PWWP2B: variants seen among roughly 807,000 people sequenced by gnomAD.
PWWP2B encodes PWWP domain-containing protein 2B.
Under a neutral mutation model 15.5 loss-of-function variants are expected in PWWP2B, and 9 were observed. The observed-to-expected ratio is 0.58, with a 90% CI of 0.35 to 1.02. The LOEUF (loss-of-function observed/expected upper bound fraction) is 1.02, where lower values mean the gene tolerates loss of function less well. Ranked by LOEUF, PWWP2B falls within the 50% of genes least tolerant of loss-of-function variation. The pLI is 0.02. For missense variants in PWWP2B, 864 were observed against 865.3 expected, an observed-to-expected ratio of 1.00 and a Z score of 0.02; for synonymous variants, 474 against 403.6, an observed-to-expected ratio of 1.17 and a Z score of -2.09.
chr10:132,398,991 T>C (rs2069576281), intron 1 of PWWP2B, among the ~76,000 whole-genome samples: 2 of 108,264 alleles, frequency 1.8e-5, no homozygotes, highest in Non-Finnish European at 4.2e-5. Flanking sequence ...CCTGAGTCTG[T>C]CCGGCTGTTC....
intron 2 of PWWP2B, among the ~76,000 whole-genome samples, chr10:132,415,515 A>ACT (rs371758743): frequency 6.7e-6 from 1 of 149,878 alleles, no homozygotes; most frequent in Admixed American, 6.7e-5. Flanking sequence ...ACTCACATCC[A>ACT]GACATCCACT....
intron 1 of PWWP2B, among the ~76,000 whole-genome samples, chr10:132,403,197 C>T (rs2069634914): frequency 6.6e-6 from 1 of 152,200 alleles, no homozygotes; most frequent in Admixed American, 6.5e-5. Context: ...GTGGCGCTCA[C>T]TCTGACCACC....
rs1564879712 is a variant in PWWP2B, at chr10:132,417,399, GC to G, written c.*356del. On this transcript the variant is annotated 3_prime_UTR_variant, in exon 3 of 3. Coordinates refer to ENST00000305233, the MANE Select transcript of PWWP2B (RefSeq NM_138499.4). Reference sequence around the variant, plus strand: ...GCCGCCCCGGCCTCACCTGCTGCCCGCATGCTGGGGTCCCATGGAGGAACCA... The same window carrying G: ...GCCGCCCCGGCCTCACCTGCTGCCCGATGCTGGGGTCCCATGGAGGAACCA... 2.4e-6 allele frequency: 1 copy of G among 419,790 alleles called. No individual in the cohort carries two copies. The highest frequency in any genetic ancestry group is 4.5e-5 in the East Asian group (1 of 22,328). 26.0% of individuals were successfully genotyped at this position (419,790 alleles called of 1,614,324 possible).
At chr10:132,413,599 C>T (rs372648171) in intron 2 of PWWP2B, among the ~76,000 whole-genome samples, 3 of 152,244 alleles carry the variant, frequency 2.0e-5, no homozygotes, top group African/African-American at 7.2e-5. Flanking sequence ...TGTGGCACCT[C>T]CGCAGCCCTG....
Position 132,405,860 on chromosome 10 carries a change from G to A in PWWP2B, c.1360G>A (p.Ala454Thr), listed in dbSNP as rs527740457. The change falls in exon 2 of 3, where the codon GCG becomes ACG. Residue 454 changes from alanine (A) to threonine (T), a missense_variant. Physicochemically the swap from Ala to Thr is moderately conservative, Grantham distance 58 (BLOSUM62 0). Transcript: ENST00000305233. ...CCTCTCGCCTGGCCACGGCGCGTCA[G>A]CGCCCTCGGTGTCCAGAGAGGCTCG... ...GDLSPGHGAS[A>T]PSVSREARQT... The A allele has an allele frequency of 6.2e-6, 10 of 1,611,420 alleles. No homozygotes were observed. In the East Asian group the frequency reaches 2.0e-4, roughly 32 times the overall value.
In PWWP2B at chr10:132,404,754, C is replaced by G. The variant is rs774551264; in HGVS notation, c.254C>G (p.Pro85Arg). ...AEVMQLGSSSPPPARGVQPPE... is the reference protein window; with the variant it reads ...AEVMQLGSSSRPPARGVQPPE... ...GTGATGCAGCTGGGGTCCAGCTCCC[C>G]CCCTCCTGCCCGCGGGGTTCAGCCC... is the stretch of plus-strand genomic sequence containing the variant. Residue 85 changes from proline to arginine, a missense_variant, in exon 2 of 3, where the codon CCC becomes CGC. Pro to Arg is a moderately radical substitution (Grantham distance 103, BLOSUM62 -2). This residue lies in a region of PWWP2B where 736 missense variants were observed against 687.7 expected (regional missense o/e 1.07). Transcript: ENST00000305233. 13 of 1,594,538 alleles carry G rather than the reference C, an allele frequency of 8.2e-6. No homozygotes were observed. Among genetic ancestry groups the G allele is most frequent in the South Asian group, 4.4e-5 (4 of 90,078 alleles).
Position 132,404,986 on chromosome 10 carries a change from G to T in PWWP2B, c.486G>T (p.Gly162=), listed in dbSNP as rs1257044867. 1.3e-6 allele frequency: 2 copies of T among 1,571,872 alleles called. No individual in the cohort carries two copies. The highest frequency in any genetic ancestry group is 2.3e-5 in the East Asian group (1 of 43,216). ...GTCTGTCCCGCAACCGCGACCCGGG[G>T]CGCCTCATCCTCAGCACCATCCGCC... ...RRRLSRNRDP[G]RLILSTIRLR... Residue 162 remains glycine (G), a synonymous_variant, in exon 2 of 3, where the codon GGG becomes GGT. Coordinates refer to ENST00000305233, the MANE Select transcript of PWWP2B (RefSeq NM_138499.4).
chr10:132,403,925 G>A lies in PWWP2B; in HGVS notation c.126-701G>A, dbSNP rs191728524. The stretch of plus-strand genomic sequence containing the variant: ...GAAAGCATCTGGGCCATCTCCAGAG[G>A]GCTCAGCCCCGGGCCACGCGCAGCC... On this transcript the variant is annotated intron_variant, in intron 1 of 2. Transcript: ENST00000305233. Among the ~76,000 whole-genome samples, 215 of 151,286 alleles carry A rather than the reference G, an allele frequency of 1.4e-3. 2 individuals carry two copies. Among genetic ancestry groups the A allele is most frequent in the Non-Finnish European group, 7.4e-4 (50 of 67,792 alleles).
At position 132,405,057 on chromosome 10, in the gene PWWP2B, GC is replaced by G; in HGVS notation, c.563del (p.Pro188ArgfsTer129). On this transcript the variant is annotated frameshift_variant, in exon 2 of 3. Coordinates refer to ENST00000305233, the MANE Select transcript of PWWP2B (RefSeq NM_138499.4). LOFTEE classifies it high-confidence loss of function. ...VLCEKCKSTL[S>X]PPEASPGPPA... ...TGTGAGAAGTGCAAGAGCACGCTGA[GC>G]CCCCCGGAGGCCAGCCCCGGACCCC... The G allele has an allele frequency of 6.6e-7, 1 of 1,512,636 alleles. No individual in the cohort carries two copies. Among genetic ancestry groups the G allele is most frequent in the Non-Finnish European group, 8.8e-7 (1 of 1,133,738 alleles). The allele number at this position is 1,512,636 out of a possible 1,614,324, so 93.7% of individuals were successfully genotyped here.
At position 132,404,628 on chromosome 10, in the gene PWWP2B, C is replaced by G. The variant is rs375735929; in HGVS notation, c.128C>G (p.Ser43Cys). The change falls in exon 2 of 3, where the codon TCC becomes TGC. Residue 43 changes from serine to cysteine, a missense_variant and splice_region_variant. Coordinates refer to ENST00000305233, the MANE Select transcript of PWWP2B (RefSeq NM_138499.4). ...GGTTTCTCTCTCTCCATTGCCAGGT[C>G]CGGCCTCTTTGGCCTACCCCCGTTG... The part of the protein sequence containing the change: ...AGILLDCTKK[S>C]GLFGLPPLAP... The G allele has an allele frequency of 6.2e-6, 10 of 1,612,482 alleles. No individual in the cohort carries two copies. The East Asian group carries it at 2.0e-4, about 32-fold the overall frequency.
At chr10:132,401,030 G>A (rs995109970) in intron 1 of PWWP2B, among the ~76,000 whole-genome samples, 2 of 152,228 alleles carry the variant, frequency 1.3e-5, no homozygotes, top group African/African-American at 2.4e-5. Context: ...CCATGGTCCC[G>A]GGCAGACCTC....
intron 2 of PWWP2B, among the ~76,000 whole-genome samples, chr10:132,416,434 G>A (rs969403957): frequency 1.3e-5 from 2 of 152,184 alleles, no homozygotes; most frequent in South Asian, 2.1e-4. Context: ...CGGGGCTGAC[G>A]GGATCGTCTG....
intron 2 of PWWP2B, among the ~76,000 whole-genome samples, chr10:132,410,699 G>A (rs2069767174): frequency 6.6e-6 from 1 of 152,160 alleles, no homozygotes; most frequent in South Asian, 2.1e-4. Context: ...GGGCCGACGG[G>A]GCACTTGGTC....
chr10:132,415,419 A>G (rs1160635016), intron 2 of PWWP2B, among the ~76,000 whole-genome samples: 1 of 147,936 alleles, frequency 6.8e-6, no homozygotes, highest in Non-Finnish European at 1.5e-5. Context: ...ACACTCATTT[A>G]CACACGCACA....
intron 2 of PWWP2B, among the ~76,000 whole-genome samples, chr10:132,408,069 G>A (rs1357173230): frequency 6.6e-6 from 1 of 152,234 alleles, no homozygotes; most frequent in African/African-American, 2.4e-5. Flanking sequence ...AGTGGAGGAA[G>A]AATCTCACCA....
intron 2 of PWWP2B, among the ~76,000 whole-genome samples, chr10:132,416,015 C>T (rs113318863): frequency 3.2e-4 from 49 of 152,366 alleles, no homozygotes; most frequent in South Asian, 3.1e-3. Context: ...GGCCTCCCCG[C>T]GTGCCGCTGG....
At chr10:132,416,361 G>C (rs1432275498) in intron 2 of PWWP2B, among the ~76,000 whole-genome samples, 1 of 152,156 alleles carries the variant, frequency 6.6e-6, no homozygotes, top group African/African-American at 2.4e-5. Flanking sequence ...GACAGTGTCT[G>C]TCTCTCTGTT....
chr10:132,416,196 G>A (rs1247309973), intron 2 of PWWP2B, among the ~76,000 whole-genome samples: 1 of 152,166 alleles, frequency 6.6e-6, no homozygotes, highest in Non-Finnish European at 1.5e-5. Context: ...GGTCCCTCCT[G>A]CCCTGCTGTG....
chr10:132,406,102 G>A lies in PWWP2B; in HGVS notation c.1602G>A (p.Pro534=), dbSNP rs770499938. The part of the protein sequence containing the change: ...REAKVSWFGS[P]TTSFLSISKL... ...CGAAGGTCTCGTGGTTTGGTTCTCC[G>A]ACTACGTCGTTCTTGTCTATTTCAA... Residue 534 remains proline, a synonymous_variant, in exon 2 of 3, where the codon CCG becomes CCA. Transcript: ENST00000305233. 48 of 1,613,700 alleles carry A rather than the reference G, an allele frequency of 3.0e-5. 2 individuals carry two copies. Among genetic ancestry groups the A allele is most frequent in the South Asian group, 2.2e-4 (20 of 91,090 alleles).
Sources: gnomAD v4.1 joint callset for allele counts (sites outside exome capture counted in the v4.1 genomes callset) on GRCh38, gnomAD v4.1.1 for gene constraint, gnomAD v4.1.1 regional missense constraint, MANE v1.5 for transcripts, NCBI Gene and HGNC (gene_info 2026-07-23, HGNC 2026-07-21) for gene names.